Variants in NSUN6 observed in about 807,000 individuals in gnomAD.
The protein encoded by NSUN6 is tRNA (cytosine(72)-C(5))-methyltransferase NSUN6.
A neutral mutation model predicts 58.0 loss-of-function variants in NSUN6; 64 were observed. That is an observed-to-expected ratio of 1.10 (90% CI 0.90 to 1.36). The LOEUF (loss-of-function observed/expected upper bound fraction) is 1.36, where lower values mean the gene tolerates loss of function less well. NSUN6 is among the 40% of genes most tolerant of loss of function. The pLI, the probability that NSUN6 is intolerant of heterozygous loss-of-function variation, is 0.00. For missense variants in NSUN6, 701 were observed against 550.1 expected, an observed-to-expected ratio of 1.27 and a Z score of -2.74; for synonymous variants, 231 against 193.9, an observed-to-expected ratio of 1.19 and a Z score of -1.59.
intron 3 of NSUN6, among the ~76,000 whole-genome samples, chr10:18,638,088 T>A (rs1221228439): frequency 3.3e-5 from 5 of 152,200 alleles, no homozygotes; most frequent in African/African-American, 1.2e-4. Flanking sequence ...CTAAGTGAAC[T>A]ATCTTTAGGA....
chr10:18,632,606 G>A (rs890962479), intron 3 of NSUN6, among the ~76,000 whole-genome samples: 9 of 152,042 alleles, frequency 5.9e-5, no homozygotes, highest in African/African-American at 2.2e-4. Context: ...GACATGAACA[G>A]ACACTTCTCA....
At chr10:18,556,925 T>TGGAACGGAATGGAGAATGGAAG (rs2055071395) in intron 8 of NSUN6, among the ~76,000 whole-genome samples, 1 of 142,058 alleles carries the variant, frequency 7.0e-6, no homozygotes, top group Admixed American at 7.2e-5. Flanking sequence ...GAGAATGGTA[T>TGGAACGGAATGGAGAATGGAAG]GGAACGGAAT....
chr10:18,599,521 T>C (rs774922222), intron 6 of NSUN6, among the ~76,000 whole-genome samples: 6 of 152,140 alleles, frequency 3.9e-5, no homozygotes, highest in Non-Finnish European at 5.9e-5. Flanking sequence ...AGTCAGAATT[T>C]CCAACACTGG....
chr10:18,569,178 CCATTCCATTCTCCATTCCATTCCATTCTG>C (rs1461995657), intron 8 of NSUN6, among the ~76,000 whole-genome samples: 1 of 151,356 alleles, frequency 6.6e-6, no homozygotes, highest in Non-Finnish European at 1.5e-5. Flanking sequence ...CTATTCCATT[CCATTCCATTCTCCATTCCATTCCATTCTG>C]CATTCCATTC....
chr10:18,576,464 A>G (rs1163372280), intron 8 of NSUN6, among the ~76,000 whole-genome samples: 2 of 152,162 alleles, frequency 1.3e-5, no homozygotes, highest in African/African-American at 2.4e-5. Flanking sequence ...GTGGACCACT[A>G]AAGAGCAAGG....
chr10:18,571,966 C>A (rs1304594537), intron 8 of NSUN6, among the ~76,000 whole-genome samples: 1 of 151,390 alleles, frequency 6.6e-6, no homozygotes, highest in Non-Finnish European at 1.5e-5. Context: ...CTATTCCACT[C>A]CATTCACCAC....
At chr10:18,627,324 C>T (rs747641342) in intron 3 of NSUN6, among the ~76,000 whole-genome samples, 2 of 152,084 alleles carry the variant, frequency 1.3e-5, no homozygotes, top group Non-Finnish European at 2.9e-5. Flanking sequence ...ACTGTGATAT[C>T]GAGCTTTTAG....
In NSUN6 at chr10:18,574,356, T is replaced by C. The variant is rs898049160; in HGVS notation, c.922+11593A>G. On this transcript the variant is annotated intron_variant, in intron 8 of 10. Transcript: ENST00000377304. ...ATCTTAAAGTATGAAGCCATTATGT[T>C]AGAAAAGAATGATTTAACATAGACC... Among the ~76,000 whole-genome samples, 4 of 152,176 alleles carry C rather than the reference T, an allele frequency of 2.6e-5. No individual in the cohort carries two copies. In the East Asian group the frequency reaches 7.7e-4, roughly 29 times the overall value.
intron 7 of NSUN6, among the ~76,000 whole-genome samples, chr10:18,592,672 G>C (rs1227276141): frequency 6.6e-6 from 1 of 152,050 alleles, no homozygotes; most frequent in Non-Finnish European, 1.5e-5. Context: ...ATATGCAGAA[G>C]ACAGAAACTG....
rs1171105596 is a variant in NSUN6 at position 18,565,475 on chromosome 10, A to G, written c.923-13504T>C. Among the ~76,000 whole-genome samples, 3 of 145,948 alleles carry G rather than the reference A, an allele frequency of 2.1e-5. No homozygotes were observed. The East Asian group carries it at 6.2e-4, about 30-fold the overall frequency. ...CACTCTCCATTCCAGTTCAGTCTCC[A>G]TTCTATTCCATTCCATTCTCCATTC... On this transcript the variant is annotated intron_variant, in intron 8 of 10. Coordinates refer to ENST00000377304, the MANE Select transcript of NSUN6 (RefSeq NM_182543.5).
In NSUN6 at chr10:18,609,828, C is replaced by A; in HGVS notation, c.657+17G>T. Reference sequence around the variant, plus strand: ...TGTTTCAATGTCACTAAATATTTTACTTTTATACATACTTACTTGTAAAAA... The same window carrying A: ...TGTTTCAATGTCACTAAATATTTTAATTTTATACATACTTACTTGTAAAAA... On this transcript the variant is annotated intron_variant, in intron 6 of 10. Transcript: ENST00000377304. 7.6e-7 allele frequency: 1 copy of A among 1,315,964 alleles called. No individual in the cohort carries two copies. Among genetic ancestry groups the A allele is most frequent in the Non-Finnish European group, 1.1e-6 (1 of 911,070 alleles). 81.5% of individuals were successfully genotyped at this position (1,315,964 alleles called of 1,614,324 possible). A position where few individuals can be genotyped will look rare whatever the true frequency, so the allele number is the denominator to read the frequency against.
In NSUN6 at chr10:18,648,583, C is replaced by G. The variant is rs1183466913; in HGVS notation, c.138G>C (p.Leu46=). The G allele has an allele frequency of 6.2e-7, 1 of 1,605,746 alleles. No individual in the cohort carries two copies. Among genetic ancestry groups the G allele is most frequent in the Non-Finnish European group, 8.5e-7 (1 of 1,172,552 alleles). ...CAGTTGTAAATGATGGAGGATGTGA[C>G]AGGTGCTTTAACAAAGTTTCAAACT... The part of the protein sequence containing the change: ...ERKFETLLKH[L]SHPPSFTTVR... The change falls in exon 2 of 11, where the codon CTG becomes CTC. Residue 46 remains leucine, a synonymous_variant. Coordinates refer to ENST00000377304, the MANE Select transcript of NSUN6 (RefSeq NM_182543.5).
chr10:18,577,503 A>T (rs1367149882), intron 8 of NSUN6, among the ~76,000 whole-genome samples: 1 of 152,146 alleles, frequency 6.6e-6, no homozygotes, highest in Non-Finnish European at 1.5e-5. Context: ...GCTCATAGAA[A>T]TGGCACTTAC....
intron 8 of NSUN6, among the ~76,000 whole-genome samples, chr10:18,572,018 C>T (rs1226939972): frequency 1.3e-5 from 2 of 151,038 alleles, no homozygotes; most frequent in Non-Finnish European, 3.0e-5. Context: ...TTCTCCATTG[C>T]ATTTCATTCT....
intron 8 of NSUN6, among the ~76,000 whole-genome samples, chr10:18,580,740 C>T (rs1168672347): frequency 6.6e-6 from 1 of 152,126 alleles, no homozygotes; most frequent in East Asian, 1.9e-4. Context: ...AGCAGTGGCC[C>T]AGAGGTTTTA....
chr10:18,633,261 T>G (rs1590149593), intron 3 of NSUN6, among the ~76,000 whole-genome samples: 3 of 82,652 alleles, frequency 3.6e-5, no homozygotes, highest in Admixed American at 1.5e-4. Flanking sequence ...TGTTGTGGGG[T>G]GGTGGGAGCG....
At chr10:18,637,231 G>A (rs1419234934) in intron 3 of NSUN6, among the ~76,000 whole-genome samples, 1 of 152,078 alleles carries the variant, frequency 6.6e-6, no homozygotes, top group African/African-American at 2.4e-5. Flanking sequence ...CCAAAGTGCT[G>A]GGATTACAGG....
intron 8 of NSUN6, among the ~76,000 whole-genome samples, chr10:18,567,033 CATTCCATATTCTATTCCTTTCTCCATTCT>C (rs2056008779): frequency 6.6e-6 from 1 of 151,166 alleles, no homozygotes. Flanking sequence ...TTCTCCATTC[CATTCCATATTCTATTCCTTTCTCCATTCT>C]ATTCCATTCT....
Position 18,616,307 on chromosome 10 carries a change from A to T in NSUN6, c.312-14T>A. On this transcript the variant is annotated splice_polypyrimidine_tract_variant and intron_variant, in intron 3 of 10. Coordinates refer to ENST00000377304, the MANE Select transcript of NSUN6 (RefSeq NM_182543.5). Reference sequence around the variant, plus strand: ...TTAATATTCTTTCTAGAAATGTAAGACACAAGAAGTTTAATAGTAACATAC... The same window carrying T: ...TTAATATTCTTTCTAGAAATGTAAGTCACAAGAAGTTTAATAGTAACATAC... 6.6e-7 allele frequency: 1 copy of T among 1,520,538 alleles called. No homozygotes were observed. The highest frequency in any genetic ancestry group is 9.1e-7 in the Non-Finnish European group (1 of 1,095,518). The allele number at this position is 1,520,538 out of a possible 1,614,324, so 94.2% of individuals were successfully genotyped here.
Sources: gnomAD v4.1 joint callset for allele counts (sites outside exome capture counted in the v4.1 genomes callset) on GRCh38, gnomAD v4.1.1 for gene constraint, MANE v1.5 for transcripts, NCBI Gene and HGNC (gene_info 2026-07-23, HGNC 2026-07-21) for gene names.